CUX2: variants seen among roughly 807,000 people sequenced by gnomAD.
CUX2 encodes the protein cut like homeobox 2.
In CUX2, 40 loss-of-function variants were observed where a neutral mutation model predicts 144.8. The ratio of observed to expected loss-of-function variants is 0.28; its 90% CI spans 0.21 to 0.36. The LOEUF is 0.36. Ranked by LOEUF, CUX2 falls within the 10% of genes least tolerant of loss-of-function variation. The probability of loss-of-function intolerance (pLI) is 1.00; values close to 1 mark genes in which losing one functional copy is unlikely to be tolerated. For synonymous variants in CUX2, 827 were observed against 875.6 expected (o/e 0.94, Z 0.98); for missense variants, 1,615 against 1,994.0 (o/e 0.81, Z 3.62).
chr12:111,112,552 G>A (rs1023702060), intron 1 of CUX2, among the ~76,000 whole-genome samples: 2 of 152,014 alleles, frequency 1.3e-5, no homozygotes, highest in African/African-American at 4.8e-5. Flanking sequence ...CATCATGGAG[G>A]TGTGACACAG....
intron 1 of CUX2, among the ~76,000 whole-genome samples, chr12:111,137,087 GC>G (rs1875940665): frequency 6.6e-6 from 1 of 151,484 alleles, no homozygotes. Flanking sequence ...ACAGGCACGA[GC>G]CACCACACCT....
chr12:111,325,060 C>T (rs1042841056), intron 18 of CUX2, among the ~76,000 whole-genome samples: 3 of 150,230 alleles, frequency 2.0e-5, no homozygotes, highest in African/African-American at 7.4e-5. Context: ...CTGAGGCAGG[C>T]GGATCACAAG....
chr12:111,037,861 A>G lies in CUX2; in HGVS notation c.63+3621A>G, dbSNP rs140481306. Among the ~76,000 whole-genome samples the G allele has an allele frequency of 4.6e-5, 7 of 152,258 alleles. No homozygotes were observed. The highest frequency in any genetic ancestry group is 1.9e-4 in the East Asian group (1 of 5,188). On this transcript the variant is annotated intron_variant, in intron 1 of 21. Coordinates refer to ENST00000261726, the MANE Select transcript of CUX2 (RefSeq NM_015267.4). This position sits in a 1 kb window ranked among gnomAD's most constrained non-coding sequence, Gnocchi z 5.4. ...CCAAAGAGGGTTAATTGAGCTAACA[A>G]TGAGCTGGGGGGCACCCAGTCCAAA...
intron 14 of CUX2, among the ~76,000 whole-genome samples, chr12:111,308,871 C>G (rs1209968408): frequency 6.6e-6 from 1 of 152,154 alleles, no homozygotes; most frequent in Non-Finnish European, 1.5e-5. Context: ...CTGTGGGGAG[C>G]AGTAGGCTGC....
chr12:111,044,253 C>T (rs61030072), intron 1 of CUX2, among the ~76,000 whole-genome samples: 10,857 of 152,072 alleles, frequency 0.071, 1,268 homozygotes, highest in African/African-American at 0.25. Flanking sequence ...GGAGACGCTC[C>T]GTTGAGGTCG....
At chr12:111,082,882 G>A (rs934305450) in intron 1 of CUX2, among the ~76,000 whole-genome samples, 1 of 152,136 alleles carries the variant, frequency 6.6e-6, no homozygotes, top group Non-Finnish European at 1.5e-5. Context: ...CGTGAAGAGG[G>A]GTTGCTGGGT....
intron 1 of CUX2, among the ~76,000 whole-genome samples, chr12:111,188,749 T>C (rs1879705149): frequency 6.6e-6 from 1 of 152,082 alleles, no homozygotes; most frequent in African/African-American, 2.4e-5. Flanking sequence ...GTCACCCCTC[T>C]TGTCACGGCA....
In CUX2 at chr12:111,087,366, C is replaced by CAA. The variant is rs1159500448; in HGVS notation, c.63+53153_63+53154dup. Among the ~76,000 whole-genome samples the CAA allele has an allele frequency of 1.2e-3, 54 of 45,012 alleles. 1 individual carries two copies. The highest frequency in any genetic ancestry group is 1.8e-3 in the Non-Finnish European group (35 of 19,114). 29.5% of individuals were successfully genotyped at this position (45,012 alleles called of 152,430 possible). On this transcript the variant is annotated intron_variant, in intron 1 of 21. Transcript: ENST00000261726. ...CTGGGCACAGAGTGGGACTCCATCT[C>CAA]AAAAAAAAAAAAAAAAAAAAAAAAA...
At chr12:111,184,596 A>T (rs922170845) in intron 1 of CUX2, among the ~76,000 whole-genome samples, 4 of 150,708 alleles carry the variant, frequency 2.7e-5, no homozygotes, top group Admixed American at 6.6e-5. Context: ...AAAAAAAAAA[A>T]AAACAGAAAA....
intron 1 of CUX2, among the ~76,000 whole-genome samples, chr12:111,210,799 A>G (rs567699382): frequency 3.5e-5 from 5 of 141,378 alleles, no homozygotes; most frequent in African/African-American, 1.3e-4. Flanking sequence ...CCCTGTCTCA[A>G]AAAAAAAAAA....
At position 111,295,932 on chromosome 12, in the gene CUX2, C is replaced by T. The variant is rs901028477; in HGVS notation, c.637+523C>T. ...TACCAGCCAGGCGCTACCATATGGT[C>T]CCCTGTGGCCAGGCCCTTCCATTTT... On this transcript the variant is annotated intron_variant, in intron 7 of 21. Transcript: ENST00000261726. The surrounding 1 kb of genome is among the most constrained non-coding windows in gnomAD (Gnocchi z 5.0). 4.6e-5 allele frequency among the ~76,000 whole-genome samples: 7 copies of T among 152,010 alleles called. No individual in the cohort carries two copies. In the South Asian group the frequency reaches 1.2e-3, roughly 27 times the overall value.
chr12:111,261,894 G>A (rs993666043), intron 3 of CUX2, among the ~76,000 whole-genome samples: 1 of 152,126 alleles, frequency 6.6e-6, no homozygotes, highest in African/African-American at 2.4e-5. Context: ...AACAGAGAAA[G>A]ACTCTGTCTC....
chr12:111,137,378 C>T (rs80287744), intron 1 of CUX2, among the ~76,000 whole-genome samples: 6,385 of 148,672 alleles, frequency 0.043, 445 homozygotes, highest in African/African-American at 0.16. Flanking sequence ...TTGATGTTGT[C>T]GTTGTTGTTG....
chr12:111,074,277 C>T (rs77209985), intron 1 of CUX2, among the ~76,000 whole-genome samples: 5 of 152,068 alleles, frequency 3.3e-5, no homozygotes, highest in East Asian at 3.9e-4. Flanking sequence ...CCCAGCATCT[C>T]GCCCCACCCC....
intron 4 of CUX2, among the ~76,000 whole-genome samples, chr12:111,288,335 A>T (rs1885499143): frequency 1.3e-5 from 2 of 152,120 alleles, no homozygotes; most frequent in African/African-American, 4.8e-5. Flanking sequence ...TTTTACATGC[A>T]TCCTTACCAC....
chr12:111,309,581 C>T (rs73418722), intron 14 of CUX2, among the ~76,000 whole-genome samples: 7,673 of 149,460 alleles, frequency 0.051, 292 homozygotes, highest in East Asian at 0.1. Context: ...TCCCCACCCC[C>T]ACCTCCCCAC....
intron 3 of CUX2, among the ~76,000 whole-genome samples, chr12:111,239,295 A>G (rs934665103): frequency 2.0e-5 from 3 of 152,246 alleles, no homozygotes; most frequent in Non-Finnish European, 2.9e-5. Flanking sequence ...TTGCAGAAGT[A>G]TAATCATGGC....
intron 1 of CUX2, among the ~76,000 whole-genome samples, chr12:111,044,177 C>T (rs1489929097): frequency 6.6e-6 from 1 of 152,188 alleles, no homozygotes; most frequent in Non-Finnish European, 1.5e-5. Context: ...GCCTTCAAGT[C>T]TGTTTCTTGT....
rs574036167 is a variant in CUX2 at position 111,147,794 on chromosome 12, C to T, written c.64-66406C>T. Among the ~76,000 whole-genome samples, 7 of 152,236 alleles carry T rather than the reference C, an allele frequency of 4.6e-5. No individual in the cohort carries two copies. The South Asian group carries it at 1.5e-3, about 32-fold the overall frequency. ...ATGCCACAGCAAAGGTAGCAAAAGC[C>T]CAGGTAGGCATGCCCAGGAAGGCGA... is the stretch of plus-strand genomic sequence containing the variant. On this transcript the variant is annotated intron_variant, in intron 1 of 21. Coordinates refer to ENST00000261726, the MANE Select transcript of CUX2 (RefSeq NM_015267.4).
Sources: gnomAD v4.1 joint callset for allele counts (sites outside exome capture counted in the v4.1 genomes callset) on GRCh38, gnomAD v4.1.1 for gene constraint, Gnocchi (gnomAD v3.1) non-coding constraint, MANE v1.5 for transcripts, NCBI Gene and HGNC (gene_info 2026-07-23, HGNC 2026-07-21) for gene names.